Variants in MCPH1 observed in about 807,000 individuals in gnomAD.
The protein encoded by MCPH1 is microcephalin.
Under a neutral mutation model 84.5 loss-of-function variants are expected in MCPH1, and 104 were observed. The observed-to-expected ratio is 1.23, with a 90% CI of 1.05 to 1.45. The LOEUF (loss-of-function observed/expected upper bound fraction) is 1.45. Among genes scored for constraint, MCPH1 ranks in the 40% most tolerant of loss-of-function variants. The pLI is 0.00. For synonymous variants in MCPH1, 514 were observed against 366.8 expected (o/e 1.40, Z -4.58); for missense variants, 1,498 against 1,005.7 (o/e 1.49, Z -6.62).
intron 13 of MCPH1, 56 bp from the exon 14 acceptor site, chr8:6,642,938 C>T (rs1798028584): frequency 3.3e-6 from 5 of 1,518,688 alleles, no homozygotes; most frequent in Admixed American, 1.7e-5. Flanking sequence ...CAGGTTATCA[C>T]TTTCCTATGT....
At chr8:6,485,653 C>G (rs1399916747) in intron 11 of MCPH1, among the ~76,000 whole-genome samples, 1 of 152,072 alleles carries the variant, frequency 6.6e-6, no homozygotes, top group Non-Finnish European at 1.5e-5. Flanking sequence ...TTGCCCTTGC[C>G]TTACTGATGA....
chr8:6,446,168 A>G (rs934505482), intron 8 of MCPH1: 3 of 888,912 alleles, frequency 3.4e-6, no homozygotes, highest in East Asian at 1.2e-4. Context: ...ACTCCTATTC[A>G]TAATTTAATT....
At chr8:6,502,902 T>G in intron 12 of MCPH1, 1 of 584,830 alleles carries the variant, frequency 1.7e-6, no homozygotes, top group Non-Finnish European at 3.0e-6. Flanking sequence ...ATGTTTAGGG[T>G]CTTGCTTTGG....
At chr8:6,584,061 T>G (rs1827788766) in intron 12 of MCPH1, among the ~76,000 whole-genome samples, 2 of 152,260 alleles carry the variant, frequency 1.3e-5, no homozygotes, top group Middle Eastern at 3.4e-3. Context: ...AGCACTCTCT[T>G]TGATCACCTT....
chr8:6,478,575 C>T (rs2129559499), intron 10 of MCPH1, among the ~76,000 whole-genome samples: 1 of 152,194 alleles, frequency 6.6e-6, no homozygotes, highest in South Asian at 2.1e-4. Context: ...ACATGGACTT[C>T]TTGTGATACT....
chr8:6,572,520 C>A (rs993086084), intron 12 of MCPH1, among the ~76,000 whole-genome samples: 24 of 152,168 alleles, frequency 1.6e-4, no homozygotes, highest in Admixed American at 1.4e-3. Context: ...AAAATACAAG[C>A]TACAATGCTT....
intron 9 of MCPH1, chr8:6,474,226 G>A (rs539444431): frequency 3.3e-5 from 21 of 634,026 alleles, no homozygotes; most frequent in South Asian, 7.3e-5. Context: ...CATCATAGTC[G>A]TCATACAATT....
intron 12 of MCPH1, among the ~76,000 whole-genome samples, chr8:6,575,371 C>G (rs552439279): frequency 1.3e-5 from 2 of 152,132 alleles, no homozygotes; most frequent in Non-Finnish European, 2.9e-5. Flanking sequence ...CCCTTGGCCA[C>G]GGTTTCACAG....
At chr8:6,625,458 A>C in intron 13 of MCPH1, 1 of 985,456 alleles carries the variant, frequency 1.0e-6, no homozygotes, top group Non-Finnish European at 1.2e-6. Context: ...TTCATTCTCA[A>C]AATATCGCAA....
intron 11 of MCPH1, among the ~76,000 whole-genome samples, chr8:6,485,996 G>C (rs1809858525): frequency 6.6e-6 from 1 of 152,144 alleles, no homozygotes; most frequent in South Asian, 2.1e-4. Flanking sequence ...AGAAGACAAA[G>C]ATGACTGCTG....
At chr8:6,421,195 C>T (rs907318259) in intron 3 of MCPH1, among the ~76,000 whole-genome samples, 1 of 152,186 alleles carries the variant, frequency 6.6e-6, no homozygotes, top group Admixed American at 6.5e-5. Flanking sequence ...GGGAAATGGC[C>T]TCTCCCTGGC....
At chr8:6,505,343 T>TAC in intron 12 of MCPH1, among the ~76,000 whole-genome samples, 1 of 45,614 alleles carries the variant, frequency 2.2e-5, no homozygotes, top group Non-Finnish European at 4.7e-5. Flanking sequence ...AGAAAGAATA[T>TAC]ATATATTCTT....
chr8:6,621,834 A>T, intron 13 of MCPH1, 143 bp downstream of exon 13: 1 of 1,117,740 alleles, frequency 8.9e-7, no homozygotes, highest in Non-Finnish European at 1.3e-6. Flanking sequence ...CTGCCCTGGC[A>T]GCGTCGTGTG....
rs549207783 is a variant in MCPH1, at chr8:6,422,935, T to G, written c.233+8052T>G. Among the ~76,000 whole-genome samples the G allele has an allele frequency of 5.0e-3, 749 of 149,314 alleles. 13 individuals are homozygous for G. The highest frequency in any genetic ancestry group is 0.018 in the African/African-American group (691 of 39,226). On this transcript the variant is annotated intron_variant, in intron 3 of 13. Transcript: ENST00000344683. ...GATCTCCTGACCTTGTGATCCGCCC[T>G]CCTCGGTCTCCCAAAGTGCTAGGAT...
chr8:6,513,317 T>TTTTTTC (rs1375309641), intron 12 of MCPH1, among the ~76,000 whole-genome samples: 6 of 151,996 alleles, frequency 3.9e-5, no homozygotes, highest in Non-Finnish European at 7.4e-5. Context: ...TTTTAATTTT[T>TTTTTTC]TTTTTCTTTT....
At chr8:6,460,571 T>C (rs1384252554) in intron 9 of MCPH1, among the ~76,000 whole-genome samples, 1 of 152,206 alleles carries the variant, frequency 6.6e-6, no homozygotes, top group Non-Finnish European at 1.5e-5. Context: ...TCCTATCTTT[T>C]ATTTATTTGA....
intron 12 of MCPH1, among the ~76,000 whole-genome samples, chr8:6,536,115 CATTAA>C (rs1354458539): frequency 3.3e-5 from 5 of 152,118 alleles, no homozygotes; most frequent in Admixed American, 1.3e-4. Context: ...CTCTTGAAGT[CATTAA>C]ATTAAGGTTT....
rs201041518 is a variant in MCPH1 at position 6,455,167 on chromosome 8, A to G, written c.1850A>G (p.His617Arg). The change falls in exon 9 of 14, where the codon CAT (histidine) becomes CGT (arginine). Residue 617 changes from histidine (H) to arginine (R), a missense_variant. Coordinates refer to ENST00000344683, the MANE Select transcript of MCPH1 (RefSeq NM_024596.5). ...GGTGTTAAAAATAGACCAACAAGGC[A>G]TGATGTTTTAGATGACTCATGTGAC... is the stretch of plus-strand genomic sequence containing the variant. Reference protein sequence around the residue: ...SGSVKNRPTRHDVLDDSCDGF... With the variant: ...SGSVKNRPTRRDVLDDSCDGF... 27 of 1,614,070 alleles carry G rather than the reference A, an allele frequency of 1.7e-5. No individual in the cohort carries two copies. The East Asian group carries it at 6.0e-4, about 36-fold the overall frequency.
intron 9 of MCPH1, among the ~76,000 whole-genome samples, chr8:6,475,569 G>C (rs1808339416): frequency 6.6e-6 from 1 of 152,218 alleles, no homozygotes; most frequent in Non-Finnish European, 1.5e-5. Flanking sequence ...TAGGAAATAA[G>C]TTCCAAGATT....
Sources: gnomAD v4.1 joint callset for allele counts (sites outside exome capture counted in the v4.1 genomes callset) on GRCh38, gnomAD v4.1.1 for gene constraint, MANE v1.5 for transcripts, NCBI Gene and HGNC (gene_info 2026-07-23, HGNC 2026-07-21) for gene names.